Variants in STARD9 observed in about 807,000 individuals in gnomAD.
The protein encoded by STARD9 is StAR related lipid transfer domain containing 9.
Under a neutral mutation model 399.8 loss-of-function variants are expected in STARD9, and 346 were observed. That is an observed-to-expected ratio of 0.87 (90% CI 0.79 to 0.95). STARD9 has a LOEUF of 0.95. STARD9 is among the 40% of genes least tolerant of loss of function. STARD9 has a pLI of 0.00. For synonymous variants in STARD9, 2,203 were observed against 2,143.5 expected (o/e 1.03, Z -0.77); for missense variants, 5,832 against 5,667.5 (o/e 1.03, Z -0.93).
rs1355205172 is a variant in STARD9, at chr15:42,685,526, A to G, written c.3948A>G (p.Glu1316=). Residue 1316 remains glutamate, a synonymous_variant, in exon 23 of 33, where the codon GAA becomes GAG. Transcript: ENST00000290607. ...AESQVEPSYS[E]QADSLQGMQL... ...CACAGGTAGAGCCAAGCTACTCTGA[A>G]CAAGCCGACTCTCTCCAAGGCATGC... The G allele has an allele frequency of 8.5e-6, 13 of 1,537,218 alleles. No homozygotes were observed. The highest frequency in any genetic ancestry group is 1.0e-5 in the Non-Finnish European group (12 of 1,146,992).
In STARD9 at chr15:42,674,723, G is replaced by GTA. The variant is rs534940697; in HGVS notation, c.1550-102_1550-101dup. ...GGTCAGCTCTTCCTCTTTTATTATGGTATGAGGTCTTCCAGATTTTGGATT... is the reference window on the plus strand; with the variant it reads ...GGTCAGCTCTTCCTCTTTTATTATGGTATATGAGGTCTTCCAGATTTTGGATT... On this transcript the variant is annotated intron_variant, in intron 17 of 32. Coordinates refer to ENST00000290607, the MANE Select transcript of STARD9 (RefSeq NM_020759.3). 7.6e-4 allele frequency: 1,085 copies of GTA among 1,419,722 alleles called. 22 individuals are homozygous for GTA. In the South Asian group the frequency reaches 0.015, roughly 19 times the overall value. The allele number at this position is 1,419,722 out of a possible 1,614,324, so 87.9% of individuals were successfully genotyped here. A position where few individuals can be genotyped will look rare whatever the true frequency, so the allele number is the denominator to read the frequency against.
rs1392676053 is a variant in STARD9, at chr15:42,695,641, T to TA, written c.13147-101dup. 3 of 1,345,138 alleles carry TA rather than the reference T, an allele frequency of 2.2e-6. No individual in the cohort carries two copies. In the African/African-American group the frequency reaches 4.4e-5, roughly 20 times the overall value. The allele number at this position is 1,345,138 out of a possible 1,614,324, so 83.3% of individuals were successfully genotyped here. A position where few individuals can be genotyped will look rare whatever the true frequency, so the allele number is the denominator to read the frequency against. Reference sequence around the variant, plus strand: ...CCCTGGGAGGTGGGTGAAGGAGCAGTAGAGGTGAGCAGGGAAGGGGTGGCT... The same window carrying TA: ...CCCTGGGAGGTGGGTGAAGGAGCAGTAAGAGGTGAGCAGGGAAGGGGTGGCT... On this transcript the variant is annotated intron_variant, in intron 25 of 32. Coordinates refer to ENST00000290607, the MANE Select transcript of STARD9 (RefSeq NM_020759.3).
At chr15:42,641,624 G>A (rs559550976) in intron 7 of STARD9, among the ~76,000 whole-genome samples, 3 of 142,762 alleles carry the variant, frequency 2.1e-5, no homozygotes, top group African/African-American at 5.3e-5. Context: ...TTTTTTTTGA[G>A]ACAGAGTTTT....
rs1357362533 is a variant in STARD9, at chr15:42,687,961, G to A, written c.6383G>A (p.Ser2128Asn). 1 of 1,537,418 alleles carries A rather than the reference G, an allele frequency of 6.5e-7. No homozygotes were observed. Among genetic ancestry groups the A allele is most frequent in the Admixed American group, 2.0e-5 (1 of 51,004 alleles). Residue 2128 changes from serine to asparagine, a missense_variant, in exon 23 of 33, where the codon AGT (serine) becomes AAT (asparagine). Around this residue, in one of 2 missense-constraint regions of STARD9, gnomAD observed 5,828 missense variants for 5,651.1 expected, o/e 1.03. Transcript: ENST00000290607. ...ACAGATGATACTGTCTTTAGGGATA[G>A]TGAAGCTGGAGCGATGGAGGTTAAC... ...RQTDDTVFRD[S>N]EAGAMEVNSI...
At position 42,674,886 on chromosome 15, in the gene STARD9, G is replaced by A. The variant is rs2060277818; in HGVS notation, c.1609G>A (p.Val537Ile). The A allele has an allele frequency of 2.6e-6, 4 of 1,537,112 alleles. No individual in the cohort carries two copies. The highest frequency in any genetic ancestry group is 3.5e-6 in the Non-Finnish European group (4 of 1,146,822). Reference protein sequence around the residue: ...HCTITSACGVVVLRPARGARC... With the variant: ...HCTITSACGVIVLRPARGARC... Reference sequence around the variant, plus strand: ...CACTATCACCAGTGCCTGTGGTGTAGTTGTTCTACGACCTGCCCGTGGGGC... The same window carrying A: ...CACTATCACCAGTGCCTGTGGTGTAATTGTTCTACGACCTGCCCGTGGGGC... The change falls in exon 18 of 33, where the codon GTT (valine) becomes ATT (isoleucine). Residue 537 changes from valine to isoleucine, a missense_variant. Coordinates refer to ENST00000290607, the MANE Select transcript of STARD9 (RefSeq NM_020759.3).
At chr15:42,702,545 C>G (rs1490193301) in intron 26 of STARD9, among the ~76,000 whole-genome samples, 1 of 152,138 alleles carries the variant, frequency 6.6e-6, no homozygotes, top group African/African-American at 2.4e-5. Flanking sequence ...TTCTTCATAG[C>G]AAAGATAGGA....
intron 7 of STARD9, among the ~76,000 whole-genome samples, chr15:42,641,304 T>A (rs1178921540): frequency 1.3e-5 from 2 of 152,180 alleles, no homozygotes; most frequent in African/African-American, 4.8e-5. Context: ...TGTTACAAGT[T>A]TCTTGAAGCC....
intron 13 of STARD9, among the ~76,000 whole-genome samples, chr15:42,664,306 A>G (rs1421328512): frequency 6.6e-6 from 1 of 152,088 alleles, no homozygotes; most frequent in African/African-American, 2.4e-5. Context: ...GTTCATTTAA[A>G]AAGTTTGTGT....
At position 42,674,961 on chromosome 15, in the gene STARD9, C is replaced by G; in HGVS notation, c.1684C>G (p.Gln562Glu). 1 of 1,531,338 alleles carries G rather than the reference C, an allele frequency of 6.5e-7. No individual in the cohort carries two copies. Among genetic ancestry groups the G allele is most frequent in the African/African-American group, 1.4e-5 (1 of 73,012 alleles). The allele number at this position is 1,531,338 out of a possible 1,614,324, so 94.9% of individuals were successfully genotyped here. A position where few individuals can be genotyped will look rare whatever the true frequency, so the allele number is the denominator to read the frequency against. ...GGTCACTGCCTCCTGCCGTCTGACT[C>G]AAGGTAGGACTGTCTGTAGCCCTGT... ...REVTASCRLT[Q>E]GAVITLGKAQ... Residue 562 changes from glutamine (Q) to glutamate (E), a missense_variant, in exon 18 of 33, where the codon CAA becomes GAA. By Grantham distance (29) the Gln-to-Glu change is conservative. Transcript: ENST00000290607.
chr15:42,694,556 A>G lies in STARD9; in HGVS notation c.12793A>G (p.Arg4265Gly). The G allele has an allele frequency of 3.9e-6, 6 of 1,537,176 alleles. No homozygotes were observed. The highest frequency in any genetic ancestry group is 5.2e-6 in the Non-Finnish European group (6 of 1,146,900). ...AAAAAAGGCCATTGAGACCCTCAGG[A>G]GAGAGCGGGCTGAGCGACTTGGGAA... ...RQKKAIETLR[R>G]ERAERLGNFC... Residue 4265 changes from arginine (R) to glycine (G), a missense_variant, in exon 24 of 33, where the codon AGA becomes GGA. By Grantham distance (125) the Arg-to-Gly change is moderately radical (BLOSUM62 -2). Coordinates refer to ENST00000290607, the MANE Select transcript of STARD9 (RefSeq NM_020759.3).
intron 17 of STARD9, 82 bp from the exon 18 acceptor site, chr15:42,674,745 G>T (rs2060274885): frequency 6.9e-7 from 1 of 1,445,090 alleles, no homozygotes; most frequent in South Asian, 1.5e-5. Context: ...CCAGATTTTG[G>T]ATTCTGATCT....
intron 7 of STARD9, 101 bp from the exon 8 acceptor site, chr15:42,650,915 T>A: frequency 1.3e-6 from 1 of 767,222 alleles, no homozygotes. Flanking sequence ...TTTTTGTCTA[T>A]TAAACAATAT....
intron 3 of STARD9, among the ~76,000 whole-genome samples, chr15:42,621,641 T>G (rs758412475): frequency 2.6e-5 from 4 of 152,254 alleles, no homozygotes; most frequent in Admixed American, 6.5e-5. Context: ...CAGTTGGCTG[T>G]CTGTGATTGG....
chr15:42,577,340 A>C (rs907638158), intron 1 of STARD9, among the ~76,000 whole-genome samples: 41 of 151,980 alleles, frequency 2.7e-4, no homozygotes, highest in Non-Finnish European at 7.4e-5. Context: ...TTTTTAGTAG[A>C]GATGGGGTTT....
intron 3 of STARD9, among the ~76,000 whole-genome samples, chr15:42,615,155 C>G (rs2058935833): frequency 6.6e-6 from 1 of 151,706 alleles, no homozygotes; most frequent in African/African-American, 2.4e-5. Context: ...AGTATAGGAG[C>G]CCACCATCAT....
intron 3 of STARD9, among the ~76,000 whole-genome samples, chr15:42,623,382 A>G (rs1457783098): frequency 1.3e-5 from 2 of 152,180 alleles, no homozygotes; most frequent in Non-Finnish European, 2.9e-5. Flanking sequence ...TCTACTATGT[A>G]CTGGTATTGA....
At chr15:42,675,565 C>T (rs1252855467) in intron 18 of STARD9, 99 bp from the exon 19 acceptor site, 8 of 876,338 alleles carry the variant, frequency 9.1e-6, no homozygotes, top group South Asian at 4.5e-5. Context: ...TATCAGTTAT[C>T]GAGGGCATGA....
intron 16 of STARD9, chr15:42,671,117 G>C (rs577825756): frequency 1.4e-5 from 2 of 147,830 alleles, no homozygotes; most frequent in South Asian, 4.4e-4. Flanking sequence ...TCTGAAGATA[G>C]GATTGCTGAT....
At chr15:42,681,356 G>A (rs2060423397) in intron 20 of STARD9, 66 bp from the exon 21 acceptor site, 3 of 1,469,840 alleles carry the variant, frequency 2.0e-6, no homozygotes, top group Admixed American at 2.2e-5. Flanking sequence ...GCCTTACACT[G>A]CTATCAGTTT....
Sources: gnomAD v4.1 joint callset for allele counts (sites outside exome capture counted in the v4.1 genomes callset) on GRCh38, gnomAD v4.1.1 for gene constraint, gnomAD v4.1.1 regional missense constraint, MANE v1.5 for transcripts, NCBI Gene and HGNC (gene_info 2026-07-23, HGNC 2026-07-21) for gene names.